Variants in B4GALNT2 observed in about 807,000 individuals in gnomAD.
The protein encoded by B4GALNT2 is N-acetylneuraminylgalactosylglucosyl-glucoside beta-1,4-N- acetylgalactosaminyltransferase 2.
In B4GALNT2, 42 loss-of-function variants were observed where a neutral mutation model predicts 51.1. The ratio of observed to expected loss-of-function variants is 0.82; its 90% CI spans 0.64 to 1.06. The LOEUF is 1.06. B4GALNT2 is among the 50% of genes least tolerant of loss of function. The pLI is 0.00. For missense variants in B4GALNT2, 602 were observed against 633.6 expected (o/e 0.95, Z 0.54); for synonymous variants, 253 against 251.7 (o/e 1.01, Z -0.05).
At chr17:49,153,053 T>A in intron 4 of B4GALNT2, 147 bp downstream of exon 4, 1 of 712,364 alleles carries the variant, frequency 1.4e-6, no homozygotes, top group South Asian at 1.6e-5. Context: ...CAGTGAGCTA[T>A]CATCTTGCCA....
chr17:49,167,460 GT>G (rs1567867695), intron 9 of B4GALNT2, among the ~76,000 whole-genome samples: 1 of 151,824 alleles, frequency 6.6e-6, no homozygotes, highest in African/African-American at 2.4e-5. Flanking sequence ...AATGGGCTTT[GT>G]TTTTTATTTT....
intron 1 of B4GALNT2, among the ~76,000 whole-genome samples, chr17:49,137,962 G>T (rs575320431): frequency 6.6e-6 from 1 of 152,242 alleles, no homozygotes; most frequent in East Asian, 1.9e-4. Flanking sequence ...ATGTATATTG[G>T]TACAAATGCA....
chr17:49,166,311 G>T, intron 9 of B4GALNT2, 57 bp downstream of exon 9: 1 of 1,227,512 alleles, frequency 8.1e-7, no homozygotes, highest in Non-Finnish European at 1.1e-6. Flanking sequence ...GAGAAGAGGG[G>T]AGAAGAGAGC....
intron 5 of B4GALNT2, among the ~76,000 whole-genome samples, chr17:49,156,918 G>A (rs1387846803): frequency 2.0e-5 from 3 of 152,212 alleles, no homozygotes; most frequent in African/African-American, 7.2e-5. Flanking sequence ...AGGGCTGGCA[G>A]GACAGACGGT....
rs1341183673 is a variant in B4GALNT2, at chr17:49,168,912, G to A, written c.1315+12G>A. ...AGTGGCTCACTCAGGTGGGAAGGCT[G>A]AAAGAGTGAGGGAGGGAGCTGGGCT... is the stretch of plus-strand genomic sequence containing the variant. On this transcript the variant is annotated intron_variant, in intron 10 of 10. Coordinates refer to ENST00000393354, the MANE Select transcript of B4GALNT2 (RefSeq NM_001159387.2). 1.2e-6 allele frequency: 2 copies of A among 1,608,796 alleles called. No homozygotes were observed. The highest frequency in any genetic ancestry group is 1.7e-5 in the Admixed American group (1 of 59,730).
rs1439587672 is a variant in B4GALNT2 at position 49,176,081 on chromosome 17, T to A, written c.*6353T>A. The A allele has an allele frequency of 6.6e-6, 1 of 152,216 alleles. No individual in the cohort carries two copies. Among genetic ancestry groups the A allele is most frequent in the Non-Finnish European group, 1.5e-5 (1 of 68,044 alleles). The allele number at this position is 152,216 out of a possible 1,614,324, so 9.4% of individuals were successfully genotyped here. ...TACCCTGATGTTTCCGAGCTCCCCT[T>A]CTTACTCACCATGGGGATTGCTTAA... On this transcript the variant is annotated 3_prime_UTR_variant, in exon 11 of 11. Coordinates refer to ENST00000393354, the MANE Select transcript of B4GALNT2 (RefSeq NM_001159387.2).
intron 3 of B4GALNT2, among the ~76,000 whole-genome samples, chr17:49,144,161 A>C (rs1023253661): frequency 3.3e-5 from 5 of 152,082 alleles, no homozygotes; most frequent in Admixed American, 1.3e-4. Context: ...TCAAAACAAC[A>C]ACAACAATAA....
chr17:49,126,194 C>T, the B4GALNT2 span, among the ~76,000 whole-genome samples: 2 of 152,258 alleles, frequency 1.3e-5, no homozygotes, highest in East Asian at 3.9e-4. Flanking sequence ...TGATCTATGA[C>T]CTTACCCCCA....
In B4GALNT2 at chr17:49,169,490, TCCCACTTCCTTCTGCTCTC is replaced by T. The variant is rs750982093; in HGVS notation, c.1316-30_1316-12del. ...TAGTGCCCACTTTTCTGACCGCAGC[TCCCACTTCCTTCTGCTCTC>T]CCTCTCTTTGCAGAATTCTTCATTG... On this transcript the variant is annotated splice_polypyrimidine_tract_variant and intron_variant, in intron 10 of 10. Transcript: ENST00000393354. 3.4e-5 allele frequency: 54 copies of T among 1,595,402 alleles called. No homozygotes were observed. Among genetic ancestry groups the T allele is most frequent in the Non-Finnish European group, 4.1e-5 (48 of 1,170,810 alleles).
chr17:49,162,095 C>A (rs1261512314), intron 7 of B4GALNT2, among the ~76,000 whole-genome samples: 1 of 151,892 alleles, frequency 6.6e-6, no homozygotes, highest in Admixed American at 6.6e-5. Context: ...TCACACCATT[C>A]TCCTGCGTCA....
chr17:49,147,378 C>A (rs72835411), intron 3 of B4GALNT2, among the ~76,000 whole-genome samples: 2 of 104,854 alleles, frequency 1.9e-5, no homozygotes, highest in Non-Finnish European at 4.5e-5. Flanking sequence ...TTCTTTCTTT[C>A]TTTTTTTTTT....
chr17:49,128,451 G>A (rs906716639), upstream of B4GALNT2, among the ~76,000 whole-genome samples: 6 of 152,294 alleles, frequency 3.9e-5, no homozygotes, highest in East Asian at 1.2e-3. Flanking sequence ...GTCAAAAGGA[G>A]TTTTGGAGGA....
chr17:49,152,068 T>C (rs1598207098), intron 3 of B4GALNT2, among the ~76,000 whole-genome samples: 2 of 151,866 alleles, frequency 1.3e-5, no homozygotes, highest in Admixed American at 1.3e-4. Flanking sequence ...CTGGTCATGG[T>C]TTTTTTTAAA....
upstream of B4GALNT2, among the ~76,000 whole-genome samples, chr17:49,130,053 T>C (rs2042529324): frequency 6.6e-6 from 1 of 152,200 alleles, no homozygotes; most frequent in Admixed American, 6.5e-5. Context: ...CTGATCAAGC[T>C]GAAAAAGAGT....
the B4GALNT2 span, among the ~76,000 whole-genome samples, chr17:49,122,089 C>T: frequency 1.3e-4 from 20 of 151,858 alleles, no homozygotes; most frequent in South Asian, 2.1e-4. Flanking sequence ...TGTCTCTGGT[C>T]GGAGGAGAGG....
intron 3 of B4GALNT2, among the ~76,000 whole-genome samples, chr17:49,146,542 C>T (rs2042696671): frequency 6.6e-6 from 1 of 152,176 alleles, no homozygotes; most frequent in Admixed American, 6.5e-5. Context: ...AACTCCTAGC[C>T]TCAAGTGATC....
intron 3 of B4GALNT2, among the ~76,000 whole-genome samples, chr17:49,146,225 G>A (rs933115935): frequency 3.9e-5 from 6 of 152,240 alleles, no homozygotes; most frequent in South Asian, 4.2e-4. Flanking sequence ...CCATTCCACC[G>A]TTCTATCAAT....
Position 49,141,329 on chromosome 17 carries a change from C to T in B4GALNT2, c.97C>T (p.Leu33Phe). ...IVGFMFGSMFLQAVFSSPKPE... is the reference protein window; with the variant it reads ...IVGFMFGSMFFQAVFSSPKPE... Reference sequence around the variant, plus strand: ...TGGATTTATGTTCGGAAGCATGTTCCTTCAAGCAGTGTTCAGCAGCCCCAA... The same window carrying T: ...TGGATTTATGTTCGGAAGCATGTTCTTTCAAGCAGTGTTCAGCAGCCCCAA... The change falls in exon 2 of 11, where the codon CTT becomes TTT. Residue 33 changes from leucine (L) to phenylalanine (F), a missense_variant. Coordinates refer to ENST00000393354, the MANE Select transcript of B4GALNT2 (RefSeq NM_001159387.2). The T allele has an allele frequency of 3.7e-6, 6 of 1,614,110 alleles. No homozygotes were observed. The highest frequency in any genetic ancestry group is 5.1e-6 in the Non-Finnish European group (6 of 1,179,994).
chr17:49,165,985 G>C lies in B4GALNT2; in HGVS notation c.955-129G>C, dbSNP rs574351161. 7.6e-5 allele frequency: 83 copies of C among 1,097,610 alleles called. No individual in the cohort carries two copies. The African/African-American group carries it at 1.2e-3, about 16-fold the overall frequency. 68.0% of individuals were successfully genotyped at this position (1,097,610 alleles called of 1,614,324 possible). On this transcript the variant is annotated intron_variant, in intron 8 of 10. Coordinates refer to ENST00000393354, the MANE Select transcript of B4GALNT2 (RefSeq NM_001159387.2). Reference sequence around the variant, plus strand: ...ACAGCCTTGGCTGCACACTGGATTCGCTCGCACCAATTCTAATGGAATTTG... The same window carrying C: ...ACAGCCTTGGCTGCACACTGGATTCCCTCGCACCAATTCTAATGGAATTTG...
Sources: allele counts gnomAD v4.1 joint callset (sites outside exome capture counted in the v4.1 genomes callset), GRCh38; gene constraint gnomAD v4.1.1; transcripts MANE v1.5; gene names NCBI Gene and HGNC (gene_info 2026-07-23, HGNC 2026-07-21).